Variants in KIF1B observed in about 807,000 individuals in gnomAD.
KIF1B encodes kinesin family member 1B.
In KIF1B, 76 loss-of-function variants were observed where a neutral mutation model predicts 241.9. The ratio of observed to expected loss-of-function variants is 0.31; its 90% CI spans 0.26 to 0.38. The LOEUF (loss-of-function observed/expected upper bound fraction) is 0.38, where lower values mean the gene tolerates loss of function less well. Among genes scored for constraint, KIF1B ranks in the 10% least tolerant of loss-of-function variants. The pLI, the probability that KIF1B is intolerant of heterozygous loss-of-function variation, is 1.00. For synonymous variants in KIF1B, 750 were observed against 796.7 expected (o/e 0.94, Z 0.99); for missense variants, 1,622 against 2,271.4 (o/e 0.71, Z 5.81).
intron 1 of KIF1B, among the ~76,000 whole-genome samples, chr1:10,221,545 G>A (rs1407361146): frequency 1.3e-5 from 2 of 152,088 alleles, no homozygotes; most frequent in East Asian, 3.8e-4. Context: ...CATTTTATCA[G>A]TATATCCATT....
At chr1:10,333,217 G>A (rs957921376) in intron 27 of KIF1B, among the ~76,000 whole-genome samples, 1 of 144,274 alleles carries the variant, frequency 6.9e-6, no homozygotes, top group Non-Finnish European at 1.5e-5. Flanking sequence ...CCTGAGGTCA[G>A]GAGTTTGAAA....
intron 25 of KIF1B, 105 bp from the exon 26 acceptor site, chr1:10,324,653 C>CTTT (rs201407650): frequency 6.0e-4 from 688 of 1,145,450 alleles, no homozygotes; most frequent in Non-Finnish European, 7.3e-4. Flanking sequence ...GGAGCAACTC[C>CTTT]TTTTTTTTTT....
In KIF1B at chr1:10,339,801, C is replaced by T. The variant is rs775773486; in HGVS notation, c.3455C>T (p.Thr1152Met). ...FLHRHDEAFS[T>M]EPLKNNGRGS... ...CATCGCCATGATGAAGCATTCTCCA[C>T]GGAGCCCCTCAAAAACAATGGCAGA... Residue 1152 changes from threonine (T) to methionine (M), a missense_variant, in exon 32 of 49, where the codon ACG becomes ATG. Thr to Met is a moderately conservative substitution (Grantham distance 81, BLOSUM62 -1). This residue lies in a region of KIF1B where 803 missense variants were observed against 1,112.0 expected (regional missense o/e 0.72). Transcript: ENST00000676179. 2.5e-6 allele frequency: 4 copies of T among 1,614,052 alleles called. No individual in the cohort carries two copies. Among genetic ancestry groups the T allele is most frequent in the African/African-American group, 1.3e-5 (1 of 75,008 alleles).
At chr1:10,310,654 CTGTG>C (rs34707332) in intron 22 of KIF1B, among the ~76,000 whole-genome samples, 21,622 of 151,304 alleles carry the variant, frequency 0.14, 2,005 homozygotes, top group African/African-American at 0.2. Context: ...CAGTATGTGA[CTGTG>C]TATGTAATCT....
chr1:10,336,136 A>G (rs1358641088), intron 28 of KIF1B, among the ~76,000 whole-genome samples: 1 of 152,196 alleles, frequency 6.6e-6, no homozygotes, highest in Non-Finnish European at 1.5e-5. Context: ...CATTTGAACA[A>G]TCTCAAGAAT....
At chr1:10,307,261 T>G (rs1405238866) in intron 22 of KIF1B, 1 of 1,020,856 alleles carries the variant, frequency 9.8e-7, no homozygotes, top group African/African-American at 1.7e-5. Flanking sequence ...AAGTAACTAG[T>G]GCCATGCTTT....
At chr1:10,281,850 CG>C (rs1649419882) in intron 14 of KIF1B, among the ~76,000 whole-genome samples, 1 of 152,132 alleles carries the variant, frequency 6.6e-6, no homozygotes. Flanking sequence ...CTGAATTACA[CG>C]TAACACTGAG....
intron 2 of KIF1B, among the ~76,000 whole-genome samples, chr1:10,234,609 C>T (rs972068516): frequency 6.6e-6 from 1 of 151,554 alleles, no homozygotes; most frequent in Non-Finnish European, 1.5e-5. Flanking sequence ...GCAGCCTTGA[C>T]CTTCCAGGCT....
chr1:10,261,892 T>G lies in KIF1B; in HGVS notation c.364-13T>G, dbSNP rs773130922. ...TTTGTGCTCTTCATGCCTCTCTCAT[T>G]CTACTTCCCTAGTTATGTGAAGAAC... On this transcript the variant is annotated splice_polypyrimidine_tract_variant and intron_variant, in intron 4 of 48. Coordinates refer to ENST00000676179, the MANE Select transcript of KIF1B (RefSeq NM_001365951.3). 3 of 1,582,530 alleles carry G rather than the reference T, an allele frequency of 1.9e-6. No individual in the cohort carries two copies. In the African/African-American group the frequency reaches 4.0e-5, roughly 21 times the overall value.
chr1:10,261,157 G>T (rs746055358), intron 4 of KIF1B, among the ~76,000 whole-genome samples: 16 of 151,704 alleles, frequency 1.1e-4, no homozygotes, highest in Non-Finnish European at 2.2e-4. Context: ...AGTAGAGACG[G>T]GGTTTCACAA....
At chr1:10,347,101 A>G (rs1311556126) in intron 35 of KIF1B, among the ~76,000 whole-genome samples, 1 of 152,234 alleles carries the variant, frequency 6.6e-6, no homozygotes, top group East Asian at 1.9e-4. Context: ...TCATCTCTAA[A>G]ATGCTTTTGT....
At chr1:10,258,342 A>G in intron 3 of KIF1B, 151 bp from the exon 4 acceptor site, 1 of 708,464 alleles carries the variant, frequency 1.4e-6, no homozygotes, top group South Asian at 1.8e-5. Flanking sequence ...TTAATGAGAA[A>G]AGTAAACTTG....
intron 4 of KIF1B, among the ~76,000 whole-genome samples, chr1:10,261,270 ATTTTT>A (rs141281398): frequency 1.5e-5 from 2 of 136,986 alleles, no homozygotes; most frequent in Non-Finnish European, 3.2e-5. Context: ...ACCTGGCCAA[ATTTTT>A]TTTTTTTTTT....
Position 10,303,501 on chromosome 1 carries a change from C to T in KIF1B, c.2115+6255C>T. 1 of 1,614,140 alleles carries T rather than the reference C, an allele frequency of 6.2e-7. No homozygotes were observed. ...TTGTCAAGATGAAGGAGCTTTGTGC[C>T]ATGTATGGCAAGAAAGACCCCAATG... On this transcript the variant is annotated intron_variant, in intron 22 of 48. Coordinates refer to ENST00000676179, the MANE Select transcript of KIF1B (RefSeq NM_001365951.3). The surrounding 1 kb of genome is among the most constrained non-coding windows in gnomAD (Gnocchi z 5.2).
At chr1:10,275,648 CT>C (rs1649059600) in intron 11 of KIF1B, 145 bp downstream of exon 11, 1 of 703,528 alleles carries the variant, frequency 1.4e-6, no homozygotes, top group Non-Finnish European at 2.6e-6. Context: ...TTCATTTTTA[CT>C]CCTAATTTCA....
intron 2 of KIF1B, among the ~76,000 whole-genome samples, chr1:10,252,407 G>GTTGTTGTT (rs1273993659): frequency 1.3e-5 from 2 of 151,544 alleles, no homozygotes; most frequent in Non-Finnish European, 2.9e-5. Flanking sequence ...TGTTGTTGTT[G>GTTGTTGTT]TTGTTGTTGC....
intron 44 of KIF1B, among the ~76,000 whole-genome samples, chr1:10,369,072 C>T (rs776014146): frequency 6.6e-5 from 10 of 152,166 alleles, no homozygotes; most frequent in Non-Finnish European, 1.3e-4. Context: ...TCCCTTACCT[C>T]TTTCATTTTT....
intron 2 of KIF1B, among the ~76,000 whole-genome samples, chr1:10,250,395 G>A (rs12567275): frequency 2.0e-5 from 3 of 150,864 alleles, no homozygotes; most frequent in Non-Finnish European, 2.9e-5. Context: ...GTGGGGTGCA[G>A]TGGTGCAATC....
intron 22 of KIF1B, among the ~76,000 whole-genome samples, chr1:10,313,793 G>A (rs1470555912): frequency 1.3e-5 from 2 of 151,302 alleles, no homozygotes; most frequent in African/African-American, 2.5e-5. Flanking sequence ...CTCGTGATCT[G>A]CCCACCTTGG....
Sources: gnomAD v4.1 joint callset for allele counts (sites outside exome capture counted in the v4.1 genomes callset) on GRCh38, gnomAD v4.1.1 for gene constraint, gnomAD v4.1.1 regional missense constraint, Gnocchi (gnomAD v3.1) non-coding constraint, MANE v1.5 for transcripts, NCBI Gene and HGNC (gene_info 2026-07-23, HGNC 2026-07-21) for gene names.